Variants in NOX4 observed in about 807,000 individuals in gnomAD.
NOX4 encodes the protein NADPH oxidase 4.
In NOX4, 69 loss-of-function variants were observed where a neutral mutation model predicts 87.6. The observed-to-expected ratio is 0.79, with a 90% CI of 0.65 to 0.96. NOX4 has a LOEUF of 0.96. Ranked by LOEUF, NOX4 falls within the 40% of genes least tolerant of loss-of-function variation. NOX4 has a pLI of 0.00. For synonymous variants in NOX4, 275 were observed against 238.2 expected (o/e 1.15, Z -1.42); for missense variants, 680 against 681.5 (o/e 1.00, Z 0.02).
intron 13 of NOX4, among the ~76,000 whole-genome samples, chr11:89,343,128 G>T (rs1341980459): frequency 6.6e-6 from 1 of 152,018 alleles, no homozygotes; most frequent in Non-Finnish European, 1.5e-5. Flanking sequence ...AATAACTTTG[G>T]ACAGGACGAC....
At chr11:89,528,552 G>C in the NOX4 span, among the ~76,000 whole-genome samples, 1 of 152,160 alleles carries the variant, frequency 6.6e-6, no homozygotes, top group Admixed American at 6.5e-5. Flanking sequence ...CTCCCATGCT[G>C]TTCTCATAAT....
intron 11 of NOX4, among the ~76,000 whole-genome samples, chr11:89,385,104 C>A (rs1276227234): frequency 1.3e-5 from 2 of 152,134 alleles, no homozygotes; most frequent in African/African-American, 2.4e-5. Flanking sequence ...TAACTGGAGC[C>A]CTCACTCTTG....
the NOX4 span, among the ~76,000 whole-genome samples, chr11:89,567,643 GA>G: frequency 6.6e-6 from 1 of 152,230 alleles, no homozygotes; most frequent in East Asian, 1.9e-4. Flanking sequence ...GATCTCATGA[GA>G]ACTCACTCAC....
At chr11:89,497,356 G>T (rs1189932447) in intron 1 of NOX4, among the ~76,000 whole-genome samples, 1 of 152,224 alleles carries the variant, frequency 6.6e-6, no homozygotes, top group South Asian at 2.1e-4. Flanking sequence ...TTTTCTGGTT[G>T]CATCTTCAAA....
the NOX4 span, among the ~76,000 whole-genome samples, chr11:89,564,782 A>G: frequency 6.6e-6 from 1 of 150,610 alleles, no homozygotes; most frequent in Non-Finnish European, 1.5e-5. Flanking sequence ...TCCCATCCCA[A>G]TGTGCATAGT....
At chr11:89,423,423 G>T (rs1039254307) in intron 7 of NOX4, among the ~76,000 whole-genome samples, 1 of 151,916 alleles carries the variant, frequency 6.6e-6, no homozygotes, top group Non-Finnish European at 1.5e-5. Context: ...ACCTACATTT[G>T]CTTAAACTTT....
In NOX4 at chr11:89,453,822, C is replaced by T. The variant is rs199828641; in HGVS notation, c.154-1927G>A. On this transcript the variant is annotated intron_variant, in intron 2 of 17. Coordinates refer to ENST00000263317, the MANE Select transcript of NOX4 (RefSeq NM_016931.5). ...TGGCTCCAGCATTTATACTATTAAC[C>T]CCCACTTTATCATGCTGCTAAATTG... Among the ~76,000 whole-genome samples, 6 of 152,232 alleles carry T rather than the reference C, an allele frequency of 3.9e-5. No homozygotes were observed. The East Asian group carries it at 1.2e-3, about 29-fold the overall frequency.
At chr11:89,426,477 G>T (rs1591202304) in intron 7 of NOX4, among the ~76,000 whole-genome samples, 1 of 151,956 alleles carries the variant, frequency 6.6e-6, no homozygotes, top group Non-Finnish European at 1.5e-5. Flanking sequence ...GGCTAGCCAA[G>T]GGAAGCTGTG....
At chr11:89,426,483 C>A (rs1299365557) in intron 7 of NOX4, among the ~76,000 whole-genome samples, 1 of 152,010 alleles carries the variant, frequency 6.6e-6, no homozygotes. Flanking sequence ...CCAAGGGAAG[C>A]TGTGACAGAT....
At chr11:89,409,886 T>C (rs1328730885) in intron 8 of NOX4, among the ~76,000 whole-genome samples, 1 of 152,024 alleles carries the variant, frequency 6.6e-6, no homozygotes, top group Non-Finnish European at 1.5e-5. Context: ...ACCCCATATA[T>C]TTAAGTGAAA....
Position 89,473,397 on chromosome 11 carries a change from A to G in NOX4, c.153+17061T>C, listed in dbSNP as rs919120437. 2.6e-5 allele frequency among the ~76,000 whole-genome samples: 4 copies of G among 151,986 alleles called. No individual in the cohort carries two copies. The South Asian group carries it at 8.3e-4, about 32-fold the overall frequency. ...CCTCATTCCTCTTTATCTTTAAACC[A>G]TTTTTAATTTTTCAACATTCCTCTG... On this transcript the variant is annotated intron_variant, in intron 2 of 17. Transcript: ENST00000263317.
At chr11:89,465,729 A>G (rs942406440) in intron 2 of NOX4, among the ~76,000 whole-genome samples, 9 of 152,140 alleles carry the variant, frequency 5.9e-5, no homozygotes. Flanking sequence ...TGTGATGACC[A>G]GCAATGATGA....
intron 2 of NOX4, among the ~76,000 whole-genome samples, chr11:89,452,266 T>C (rs1944994937): frequency 1.3e-5 from 2 of 152,176 alleles, no homozygotes; most frequent in African/African-American, 4.8e-5. Context: ...GGACCCTTTA[T>C]TCACTGATAA....
intron 2 of NOX4, among the ~76,000 whole-genome samples, chr11:89,459,207 C>G (rs930869009): frequency 6.6e-6 from 1 of 151,746 alleles, no homozygotes; most frequent in African/African-American, 2.4e-5. Flanking sequence ...AACCAAATAC[C>G]GAGAACATGT....
chr11:89,422,578 T>C (rs1943137665), intron 7 of NOX4, among the ~76,000 whole-genome samples: 1 of 152,118 alleles, frequency 6.6e-6, no homozygotes, highest in Non-Finnish European at 1.5e-5. Flanking sequence ...AACAGTTATT[T>C]TATTTCATAT....
chr11:89,488,816 A>T (rs1278799220), intron 2 of NOX4: 1 of 521,332 alleles, frequency 1.9e-6, no homozygotes, highest in Non-Finnish European at 3.4e-6. Context: ...AAATACTAGA[A>T]AACAAAACCA....
At chr11:89,450,105 T>C (rs748077756) in intron 3 of NOX4, among the ~76,000 whole-genome samples, 2 of 152,164 alleles carry the variant, frequency 1.3e-5, no homozygotes, top group Non-Finnish European at 2.9e-5. Flanking sequence ...AATGATTAAA[T>C]ACTGAGAGAC....
At chr11:89,355,462 TC>T (rs201804447) in intron 12 of NOX4, among the ~76,000 whole-genome samples, 10,689 of 150,782 alleles carry the variant, frequency 0.071, 593 homozygotes, top group Admixed American at 0.14. Context: ...ATATTTTTTT[TC>T]CTTAATGGTA....
chr11:89,551,184 G>C, the NOX4 span, among the ~76,000 whole-genome samples: 6 of 151,900 alleles, frequency 3.9e-5, no homozygotes, highest in South Asian at 1.2e-3. Context: ...TTGGTGACTT[G>C]TAGTATAGTT....
Sources: allele counts gnomAD v4.1 joint callset (sites outside exome capture counted in the v4.1 genomes callset), GRCh38; gene constraint gnomAD v4.1.1; transcripts MANE v1.5; gene names NCBI Gene and HGNC (gene_info 2026-07-23, HGNC 2026-07-21).